Variants in INPP4B observed in about 807,000 individuals in gnomAD.
INPP4B encodes the protein inositol polyphosphate 4-phosphatase type II.
A neutral mutation model predicts 122.5 loss-of-function variants in INPP4B; 55 were observed. The observed-to-expected ratio is 0.45, with a 90% CI of 0.36 to 0.56. INPP4B has a LOEUF of 0.56. Among genes scored for constraint, INPP4B ranks in the 20% least tolerant of loss-of-function variants. INPP4B has a pLI of 0.00. For missense variants in INPP4B, 1,000 were observed against 1,097.7 expected (o/e 0.91, Z 1.26); for synonymous variants, 403 against 388.7 (o/e 1.04, Z -0.43).
chr4:142,845,066 A>T (rs1201637410), intron 1 of INPP4B, among the ~76,000 whole-genome samples: 7 of 152,176 alleles, frequency 4.6e-5, no homozygotes, highest in Non-Finnish European at 1.0e-4. Context: ...GGTTAGGGAG[A>T]AGATAAAAGA....
chr4:142,612,286 A>G (rs1336947829), intron 2 of INPP4B, among the ~76,000 whole-genome samples: 2 of 152,220 alleles, frequency 1.3e-5, no homozygotes, highest in Non-Finnish European at 2.9e-5. Context: ...TGCAGAAAGA[A>G]AATATTAAGA....
At chr4:142,080,734 T>C (rs1380129161) in intron 25 of INPP4B, among the ~76,000 whole-genome samples, 1 of 152,160 alleles carries the variant, frequency 6.6e-6, no homozygotes, top group Non-Finnish European at 1.5e-5. Flanking sequence ...TTCCAGAAGA[T>C]TTGTTACCTA....
chr4:142,766,195 T>A (rs983434985), intron 1 of INPP4B, among the ~76,000 whole-genome samples: 1 of 152,136 alleles, frequency 6.6e-6, no homozygotes, highest in Non-Finnish European at 1.5e-5. Context: ...GGTGTGCCTA[T>A]CAGTCAATCA....
intron 25 of INPP4B, among the ~76,000 whole-genome samples, chr4:142,033,778 T>G (rs1231555969): frequency 6.7e-6 from 1 of 149,324 alleles, no homozygotes; most frequent in Non-Finnish European, 1.5e-5. Context: ...GAGCCTCCCA[T>G]CTCAGCCTCC....
At chr4:142,281,308 G>A (rs1159309485) in intron 9 of INPP4B, among the ~76,000 whole-genome samples, 1 of 151,006 alleles carries the variant, frequency 6.6e-6, no homozygotes, top group African/African-American at 2.4e-5. Flanking sequence ...TATAAGGCCA[G>A]GTGAAAACAG....
intron 18 of INPP4B, among the ~76,000 whole-genome samples, chr4:142,129,800 T>A (rs1176194318): frequency 6.6e-6 from 1 of 152,214 alleles, no homozygotes; most frequent in Non-Finnish European, 1.5e-5. Context: ...TTTTTCTTCT[T>A]TTAATAAATG....
intron 10 of INPP4B, among the ~76,000 whole-genome samples, chr4:142,269,617 G>A (rs1024606677): frequency 1.3e-5 from 2 of 152,144 alleles, no homozygotes; most frequent in African/African-American, 2.4e-5. Context: ...GTTTCCGTTA[G>A]CCAGGAGGAA....
intron 16 of INPP4B, among the ~76,000 whole-genome samples, chr4:142,161,717 C>A (rs1447305173): frequency 2.0e-5 from 3 of 151,834 alleles, no homozygotes; most frequent in African/African-American, 7.3e-5. Context: ...AGTTAAGCCC[C>A]ATGCAAAACA....
intron 1 of INPP4B, among the ~76,000 whole-genome samples, chr4:142,733,009 C>A (rs1229226905): frequency 1.3e-5 from 2 of 152,060 alleles, no homozygotes; most frequent in East Asian, 3.8e-4. Flanking sequence ...CAAACTCACA[C>A]AAGTTATAAC....
intron 9 of INPP4B, among the ~76,000 whole-genome samples, chr4:142,270,986 C>T (rs565435712): frequency 1.9e-4 from 28 of 150,052 alleles, no homozygotes; most frequent in African/African-American, 6.4e-4. Context: ...TTTTTGAGAT[C>T]AAGTTTTGCT....
intron 1 of INPP4B, among the ~76,000 whole-genome samples, chr4:142,779,769 A>C (rs1433191268): frequency 6.6e-6 from 1 of 152,152 alleles, no homozygotes; most frequent in African/African-American, 2.4e-5. Context: ...AAAGGGAGGA[A>C]AGGAATGAAA....
At chr4:142,468,962 T>C (rs1280954557) in intron 2 of INPP4B, among the ~76,000 whole-genome samples, 1 of 152,172 alleles carries the variant, frequency 6.6e-6, no homozygotes, top group Admixed American at 6.5e-5. Flanking sequence ...ATATAGCTAC[T>C]AGAATCTAGA....
intron 2 of INPP4B, among the ~76,000 whole-genome samples, chr4:142,558,265 T>C (rs141411317): frequency 1.9e-3 from 293 of 152,296 alleles, no homozygotes; most frequent in African/African-American, 6.7e-3. Context: ...ATTTTGTCTG[T>C]TGTGGCTTGA....
At chr4:142,680,001 T>C (rs932888137) in intron 2 of INPP4B, among the ~76,000 whole-genome samples, 5 of 151,860 alleles carry the variant, frequency 3.3e-5, no homozygotes, top group Non-Finnish European at 7.4e-5. Flanking sequence ...CTGGCTTCTC[T>C]TTCATCTATT....
rs1809249740 is a variant in INPP4B, at chr4:142,431,313, T to A, written c.-54A>T. ...CAAATTTTCTTGTCCAAATGTCAGT[T>A]CTAGTGATTCCTGGTTTAATGTAGA... On this transcript the variant is annotated 5_prime_UTR_variant, in exon 4 of 26. Transcript: ENST00000262992. 7.9e-7 allele frequency: 1 copy of A among 1,260,576 alleles called. No individual in the cohort carries two copies. The highest frequency in any genetic ancestry group is 1.2e-6 in the Non-Finnish European group (1 of 861,674). 78.1% of individuals were successfully genotyped at this position (1,260,576 alleles called of 1,614,324 possible). A position where few individuals can be genotyped will look rare whatever the true frequency, so the allele number is the denominator to read the frequency against.
chr4:142,123,303 A>G lies in INPP4B; in HGVS notation c.2006T>C (p.Leu669Pro). 6.2e-7 allele frequency: 1 copy of G among 1,611,950 alleles called. No homozygotes were observed. The change falls in exon 20 of 26, where the codon CTA becomes CCA. Residue 669 changes from leucine (L) to proline (P), a missense_variant. Physicochemically the swap from Leu to Pro is moderately conservative, Grantham distance 98. Coordinates refer to ENST00000262992, the MANE Select transcript of INPP4B (RefSeq NM_001101669.3). Reference sequence around the variant, plus strand: ...AAAGCAATACTCACTGTATGTACTTAGCAGTCCTTCATATTGTACTATCAA... The same window carrying G: ...AAAGCAATACTCACTGTATGTACTTGGCAGTCCTTCATATTGTACTATCAA... ...VGLIVQYEGLLSTYSDEIGML... is the reference protein window; with the variant it reads ...VGLIVQYEGLPSTYSDEIGML...
intron 15 of INPP4B, among the ~76,000 whole-genome samples, chr4:142,186,453 G>A (rs541369477): frequency 6.6e-6 from 1 of 152,322 alleles, no homozygotes; most frequent in Non-Finnish European, 1.5e-5. Flanking sequence ...GTTTCTGCCT[G>A]TTCCAGAATG....
At chr4:142,617,479 C>A (rs1458414895) in intron 2 of INPP4B, among the ~76,000 whole-genome samples, 3 of 152,042 alleles carry the variant, frequency 2.0e-5, no homozygotes, top group African/African-American at 7.2e-5. Flanking sequence ...TTCAGCAAGA[C>A]CAGGACAGCA....
At chr4:142,420,294 C>A (rs1212944015) in intron 5 of INPP4B, among the ~76,000 whole-genome samples, 1 of 152,004 alleles carries the variant, frequency 6.6e-6, no homozygotes, top group Admixed American at 6.6e-5. Flanking sequence ...ATGTCAACAA[C>A]AGTTCAGTTA....
Sources: allele counts gnomAD v4.1 joint callset (sites outside exome capture counted in the v4.1 genomes callset), GRCh38; gene constraint gnomAD v4.1.1; transcripts MANE v1.5; gene names NCBI Gene and HGNC (gene_info 2026-07-23, HGNC 2026-07-21).